LIPC: variants seen among roughly 807,000 people sequenced by gnomAD.
LIPC encodes the protein hepatic triacylglycerol lipase.
Under a neutral mutation model 50.7 loss-of-function variants are expected in LIPC, and 44 were observed. The ratio of observed to expected loss-of-function variants is 0.87; its 90% CI spans 0.68 to 1.11. LIPC has a LOEUF of 1.11. Among genes scored for constraint, LIPC ranks in the 50% most tolerant of loss-of-function variants. LIPC has a pLI of 0.00. For synonymous variants in LIPC, 271 were observed against 256.4 expected (o/e 1.06, Z -0.54); for missense variants, 697 against 648.2 (o/e 1.08, Z -0.82).
chr15:58,494,783 A>T (rs1390348691), intron 1 of LIPC: 7 of 456,186 alleles, frequency 1.5e-5, no homozygotes, highest in South Asian at 1.1e-4. Flanking sequence ...CTGAATGCAC[A>T]TAAGGAATCT....
chr15:58,544,556 C>A (rs1311257903), intron 4 of LIPC, among the ~76,000 whole-genome samples: 2 of 152,058 alleles, frequency 1.3e-5, no homozygotes, highest in South Asian at 4.1e-4. Context: ...CCACCACGCC[C>A]GGCTAATTTT....
At chr15:58,450,077 G>C (rs1275308105) in intron 1 of LIPC, among the ~76,000 whole-genome samples, 1 of 152,172 alleles carries the variant, frequency 6.6e-6, no homozygotes, top group Admixed American at 6.5e-5. Flanking sequence ...GTCTTATGGG[G>C]TGACACCACT....
chr15:58,506,507 A>G (rs12898984), intron 1 of LIPC, among the ~76,000 whole-genome samples: 119,578 of 152,098 alleles, frequency 0.79, 47,315 homozygotes, highest in African/African-American at 0.88. Flanking sequence ...GGTGGCCCAA[A>G]CCACTCTGCC....
chr15:58,433,485 T>C (rs536013232), intron 1 of LIPC, among the ~76,000 whole-genome samples: 4 of 152,372 alleles, frequency 2.6e-5, no homozygotes, highest in African/African-American at 9.6e-5. Flanking sequence ...CTGGCTTCTT[T>C]CGTTCGACAT....
intron 1 of LIPC, among the ~76,000 whole-genome samples, chr15:58,443,558 C>T (rs1270750757): frequency 6.6e-6 from 1 of 152,238 alleles, no homozygotes; most frequent in African/African-American, 2.4e-5. Flanking sequence ...TTTCCTCCAT[C>T]CAAGAATCCT....
rs943934672 is a variant in LIPC at position 58,489,229 on chromosome 15, G to C, written c.89-49104G>C. ...ATTCATTTTGTTGCGGGGGCGGGGG[G>C]GCGGCTTACAAGCTTCCCAGGGTTC... On this transcript the variant is annotated intron_variant, in intron 1 of 8. Coordinates refer to ENST00000299022, the MANE Select transcript of LIPC (RefSeq NM_000236.3). Among the ~76,000 whole-genome samples the C allele has an allele frequency of 3.0e-5, 3 of 101,672 alleles. 1 individual carries two copies. Among genetic ancestry groups the C allele is most frequent in the East Asian group, 3.2e-4 (1 of 3,156 alleles). 66.7% of individuals were successfully genotyped at this position (101,672 alleles called of 152,430 possible). A position where few individuals can be genotyped will look rare whatever the true frequency, so the allele number is the denominator to read the frequency against.
chr15:58,457,008 C>T (rs1224974372), intron 1 of LIPC, among the ~76,000 whole-genome samples: 1 of 152,210 alleles, frequency 6.6e-6, no homozygotes, highest in Non-Finnish European at 1.5e-5. Flanking sequence ...AGATGATGCC[C>T]AGGGCCGGGC....
chr15:58,495,366 G>C (rs765796167), intron 1 of LIPC, among the ~76,000 whole-genome samples: 1 of 152,174 alleles, frequency 6.6e-6, no homozygotes, highest in African/African-American at 2.4e-5. Context: ...TGCAACCTTC[G>C]TAGATACTCT....
Position 58,432,417 on chromosome 15 carries a change from G to A in LIPC, c.88+297G>A, listed in dbSNP as rs539631025. 206 of 418,934 alleles carry A rather than the reference G, an allele frequency of 4.9e-4. 4 individuals are homozygous for A. The highest frequency in any genetic ancestry group is 4.8e-3 in the South Asian group (195 of 40,628). 26.0% of individuals were successfully genotyped at this position (418,934 alleles called of 1,614,324 possible). ...TGCTAAAAGTTATTCAGCGGCAAAT[G>A]ATATGAAAGCGATTCAGATCTTCCT... On this transcript the variant is annotated intron_variant, in intron 1 of 8. Transcript: ENST00000299022.
chr15:58,520,112 G>GTTTTTTTTTTTTTT lies in LIPC; in HGVS notation c.89-18211_89-18210insTTTTTTTTTTTTTT, dbSNP rs10631480. Among the ~76,000 whole-genome samples, 11 of 123,534 alleles carry GTTTTTTTTTTTTTT rather than the reference G, an allele frequency of 8.9e-5. 2 individuals are homozygous for GTTTTTTTTTTTTTT. Among genetic ancestry groups the GTTTTTTTTTTTTTT allele is most frequent in the Non-Finnish European group, 8.3e-5 (5 of 60,222 alleles). 81.0% of individuals were successfully genotyped at this position (123,534 alleles called of 152,430 possible). A position where few individuals can be genotyped will look rare whatever the true frequency, so the allele number is the denominator to read the frequency against. On this transcript the variant is annotated intron_variant, in intron 1 of 8. Coordinates refer to ENST00000299022, the MANE Select transcript of LIPC (RefSeq NM_000236.3). Reference sequence around the variant, plus strand: ...TTTTCGGCACCTCAGGTTTTGGGCTGTTTTTTTTTTGTTTTTTTTTTAATC... The same window carrying GTTTTTTTTTTTTTT: ...TTTTCGGCACCTCAGGTTTTGGGCTGTTTTTTTTTTTTTTTTTTTTTTTTGTTTTTTTTTTAATC...
At chr15:58,526,195 C>G (rs1457797620) in intron 1 of LIPC, among the ~76,000 whole-genome samples, 13 of 152,174 alleles carry the variant, frequency 8.5e-5, no homozygotes, top group Admixed American at 8.5e-4. Flanking sequence ...GTCTGCATCT[C>G]CAGCACATGA....
intron 1 of LIPC, among the ~76,000 whole-genome samples, chr15:58,479,441 A>C (rs1209186986): frequency 6.6e-6 from 1 of 152,222 alleles, no homozygotes; most frequent in African/African-American, 2.4e-5. Flanking sequence ...ATCCTTTACT[A>C]AAGTCAGGCA....
chr15:58,521,954 G>T (rs1892670084), intron 1 of LIPC: 1 of 151,840 alleles, frequency 6.6e-6, no homozygotes, highest in African/African-American at 2.4e-5. Context: ...GTGTGAGTTT[G>T]CAGGGAGACG....
intron 1 of LIPC, 85 bp downstream of exon 1, chr15:58,432,205 G>A (rs1239605375): frequency 1.5e-5 from 15 of 1,022,694 alleles, no homozygotes; most frequent in East Asian, 2.4e-5. Flanking sequence ...GTTTCTGACT[G>A]TATGGGACAG....
intron 6 of LIPC, among the ~76,000 whole-genome samples, chr15:58,555,726 G>T (rs1361806996): frequency 6.6e-6 from 1 of 152,206 alleles, no homozygotes; most frequent in Non-Finnish European, 1.5e-5. Context: ...AAGGACTGAG[G>T]CGACTCCCTG....
chr15:58,555,277 G>A (rs1238304049), intron 6 of LIPC, among the ~76,000 whole-genome samples: 4 of 152,160 alleles, frequency 2.6e-5, no homozygotes, highest in African/African-American at 9.7e-5. Context: ...ATTTTCCCCG[G>A]CTCAGGGGCC....
At chr15:58,538,107 C>T (rs563372958) in intron 1 of LIPC, among the ~76,000 whole-genome samples, 3 of 152,290 alleles carry the variant, frequency 2.0e-5, no homozygotes, top group Admixed American at 2.0e-4. Context: ...ACTGGGATAA[C>T]AGGCTAGAGG....
At chr15:58,567,309 ATATATG>A (rs1894412343) in intron 8 of LIPC, among the ~76,000 whole-genome samples, 1 of 35,378 alleles carries the variant, frequency 2.8e-5, no homozygotes, top group Non-Finnish European at 5.1e-5. Context: ...ATATATACAT[ATATATG>A]TATATGTGTA....
intron 1 of LIPC, chr15:58,435,975 G>A (rs1390786182): frequency 2.6e-5 from 4 of 152,302 alleles, no homozygotes; most frequent in African/African-American, 7.2e-5. Context: ...TATGGCCTAA[G>A]TTCTAAACAA....
Sources: gnomAD v4.1 joint callset for allele counts (sites outside exome capture counted in the v4.1 genomes callset) on GRCh38, gnomAD v4.1.1 for gene constraint, MANE v1.5 for transcripts, NCBI Gene and HGNC (gene_info 2026-07-23, HGNC 2026-07-21) for gene names.